ATXN2: variants seen among roughly 807,000 people sequenced by gnomAD.
The protein encoded by ATXN2 is ataxin-2.
Under a neutral mutation model 138.6 loss-of-function variants are expected in ATXN2, and 37 were observed. The ratio of observed to expected loss-of-function variants is 0.27; its 90% CI spans 0.21 to 0.35. ATXN2 has a LOEUF of 0.35. Ranked by LOEUF, ATXN2 falls within the 10% of genes least tolerant of loss-of-function variation. The pLI is 1.00. For missense variants in ATXN2, 1,216 were observed against 1,480.3 expected (o/e 0.82, Z 2.93); for synonymous variants, 549 against 543.7 (o/e 1.01, Z -0.13).
chr12:111,505,625 T>C (rs766287782), intron 14 of ATXN2, among the ~76,000 whole-genome samples: 15 of 152,142 alleles, frequency 9.9e-5, no homozygotes, highest in Non-Finnish European at 1.9e-4. Context: ...GAACTGCACA[T>C]TAAAGCCACA....
At chr12:111,581,978 C>A (rs554626205) in intron 1 of ATXN2, among the ~76,000 whole-genome samples, 26 of 151,808 alleles carry the variant, frequency 1.7e-4, no homozygotes, top group African/African-American at 6.3e-4. Flanking sequence ...AGAGCCATTC[C>A]AACTCCAAAT....
rs779469224 is a variant in ATXN2, at chr12:111,552,249, C to T, written c.571+31G>A. The T allele has an allele frequency of 6.4e-7, 1 of 1,553,586 alleles. No homozygotes were observed. The highest frequency in any genetic ancestry group is 2.1e-5 in the Admixed American group (1 of 47,182). ...CTTTGCTTGAATAAATCTAATAAAC[C>T]ATGAGGCATATTTAGGAAATCAAAA... is the stretch of plus-strand genomic sequence containing the variant. On this transcript the variant is annotated intron_variant, in intron 5 of 24. Transcript: ENST00000673436. The surrounding 1 kb of genome is among the most constrained non-coding windows in gnomAD (Gnocchi z 4.1).
At chr12:111,527,979 A>C (rs1880593375) in intron 5 of ATXN2, among the ~76,000 whole-genome samples, 1 of 152,224 alleles carries the variant, frequency 6.6e-6, no homozygotes, top group East Asian at 1.9e-4. Flanking sequence ...TAAGATCCTG[A>C]AATCCCTTTA....
intron 14 of ATXN2, among the ~76,000 whole-genome samples, chr12:111,494,829 G>C (rs572531194): frequency 6.6e-6 from 1 of 152,152 alleles, no homozygotes; most frequent in African/African-American, 2.4e-5. Flanking sequence ...AACAAGGAAG[G>C]GAGGGAGGGA....
At chr12:111,592,166 A>C (rs1884700531) in intron 1 of ATXN2, among the ~76,000 whole-genome samples, 1 of 151,532 alleles carries the variant, frequency 6.6e-6, no homozygotes, top group South Asian at 2.1e-4. Context: ...GAGGCAAGCG[A>C]ATCACCTGAG....
At chr12:111,594,566 A>T (rs1166792031) in intron 1 of ATXN2, among the ~76,000 whole-genome samples, 6 of 152,144 alleles carry the variant, frequency 3.9e-5, no homozygotes, top group Admixed American at 3.3e-4. Context: ...AATCACTAAA[A>T]GAAAAATATT....
intron 1 of ATXN2, among the ~76,000 whole-genome samples, chr12:111,565,116 C>G (rs1026960592): frequency 2.0e-5 from 3 of 151,738 alleles, no homozygotes; most frequent in African/African-American, 7.3e-5. Flanking sequence ...TCCCCATATT[C>G]TCCTTTAAGT....
intron 1 of ATXN2, among the ~76,000 whole-genome samples, chr12:111,562,466 A>T (rs1269067289): frequency 6.6e-6 from 1 of 151,932 alleles, no homozygotes; most frequent in Non-Finnish European, 1.5e-5. Context: ...CACGCCTGTA[A>T]TCCTAGCACT....
chr12:111,555,514 G>A (rs1203205206), intron 2 of ATXN2, among the ~76,000 whole-genome samples: 1 of 152,094 alleles, frequency 6.6e-6, no homozygotes, highest in African/African-American at 2.4e-5. Flanking sequence ...GCTTTGCTCA[G>A]CACTTCTCTC....
At chr12:111,457,513 G>A (rs1875202237) in intron 21 of ATXN2, 154 bp from the exon 22 acceptor site, 7 of 829,194 alleles carry the variant, frequency 8.4e-6, no homozygotes, top group Non-Finnish European at 5.4e-6. Flanking sequence ...ACCATCCATT[G>A]TCTTGAAAAA....
chr12:111,456,140 C>A lies in ATXN2; in HGVS notation c.3159G>T (p.Thr1053=). 1 of 1,614,194 alleles carries A rather than the reference C, an allele frequency of 6.2e-7. No homozygotes were observed. The highest frequency in any genetic ancestry group is 8.5e-7 in the Non-Finnish European group (1 of 1,180,042). The change falls in exon 23 of 25, where the codon ACG becomes ACT. Residue 1053 remains threonine (T), a synonymous_variant. Transcript: ENST00000673436. ...TPPSMTPASN[T]QSPQNSFPAA... is the part of the protein sequence containing the mutation. ...CTGGGAAACTATTCTGTGGCGACTG[C>A]GTGTTGGAGGCAGGTGTCATGGAGG...
chr12:111,499,657 A>C (rs1878628065), intron 14 of ATXN2, among the ~76,000 whole-genome samples: 1 of 151,968 alleles, frequency 6.6e-6, no homozygotes, highest in Non-Finnish European at 1.5e-5. Flanking sequence ...CTGGGCAACA[A>C]AGTGAGACTC....
Position 111,470,252 on chromosome 12 carries a change from C to T in ATXN2, c.2710-12G>A, listed in dbSNP as rs748465586. On this transcript the variant is annotated splice_polypyrimidine_tract_variant and intron_variant, in intron 19 of 24. Coordinates refer to ENST00000673436, the MANE Select transcript of ATXN2 (RefSeq NM_001372574.1). The stretch of plus-strand genomic sequence containing the variant: ...TAGACATGAGGATGCTGTGTTCAAA[C>T]AAAAAATAAAGAAAGCACATTAACA... 15 of 1,607,928 alleles carry T rather than the reference C, an allele frequency of 9.3e-6. No individual in the cohort carries two copies. In the African/African-American group the frequency reaches 1.3e-4, roughly 14 times the overall value.
At position 111,510,004 on chromosome 12, in the gene ATXN2, A is replaced by G. The variant is rs1226474373; in HGVS notation, c.1757-6T>C. ...TTGAAGCCTGGAATCTTTAGCTAGAAAACAATTTTTTAAAAAAAATTCAGA... is the reference window on the plus strand; with the variant it reads ...TTGAAGCCTGGAATCTTTAGCTAGAGAACAATTTTTTAAAAAAAATTCAGA... On this transcript the variant is annotated splice_polypyrimidine_tract_variant and splice_region_variant and intron_variant, in intron 12 of 24. Coordinates refer to ENST00000673436, the MANE Select transcript of ATXN2 (RefSeq NM_001372574.1). The G allele has an allele frequency of 1.9e-6, 3 of 1,579,662 alleles. No individual in the cohort carries two copies. Among genetic ancestry groups the G allele is most frequent in the Non-Finnish European group, 2.6e-6 (3 of 1,163,366 alleles).
At chr12:111,594,410 C>T (rs911531872) in intron 1 of ATXN2, among the ~76,000 whole-genome samples, 1 of 151,876 alleles carries the variant, frequency 6.6e-6, no homozygotes, top group Non-Finnish European at 1.5e-5. Context: ...ACAATCTCAG[C>T]TGACTGCAAC....
intron 18 of ATXN2, among the ~76,000 whole-genome samples, chr12:111,479,332 C>A (rs1482463094): frequency 2.2e-5 from 3 of 133,490 alleles, no homozygotes; most frequent in African/African-American, 8.5e-5. Context: ...GCAGGTGGAT[C>A]ATTTGGGGTC....
chr12:111,576,531 T>C (rs1224133677), intron 1 of ATXN2, among the ~76,000 whole-genome samples: 1 of 152,088 alleles, frequency 6.6e-6, no homozygotes, highest in African/African-American at 2.4e-5. Flanking sequence ...TCACCCAGGC[T>C]GAAGTACAGT....
chr12:111,465,631 G>A (rs772355035), intron 20 of ATXN2, among the ~76,000 whole-genome samples: 22 of 151,736 alleles, frequency 1.4e-4, no homozygotes, highest in South Asian at 4.2e-4. Context: ...TTGGCCGGTC[G>A]TGGTGGCGCA....
Position 111,453,734 on chromosome 12 carries a change from G to A in ATXN2, c.3382C>T (p.Leu1128=). Residue 1128 remains leucine (L), a synonymous_variant, in exon 24 of 25, where the codon CTA becomes TTA. Coordinates refer to ENST00000673436, the MANE Select transcript of ATXN2 (RefSeq NM_001372574.1). This position sits in a 1 kb window ranked among gnomAD's most constrained non-coding sequence, Gnocchi z 5.4. ...GPQAALAQSA[L]QPIPVSTTAH... Reference sequence around the variant, plus strand: ...GTTGTCGAGACTGGAATGGGCTGTAGTGCACTTTGAGCGAGGGCGGCCTGG... The same window carrying A: ...GTTGTCGAGACTGGAATGGGCTGTAATGCACTTTGAGCGAGGGCGGCCTGG... 6.2e-7 allele frequency: 1 copy of A among 1,613,990 alleles called. No homozygotes were observed. Among genetic ancestry groups the A allele is most frequent in the Non-Finnish European group, 8.5e-7 (1 of 1,179,924 alleles).
Sources: gnomAD v4.1 joint callset for allele counts (sites outside exome capture counted in the v4.1 genomes callset) on GRCh38, gnomAD v4.1.1 for gene constraint, Gnocchi (gnomAD v3.1) non-coding constraint, MANE v1.5 for transcripts, NCBI Gene and HGNC (gene_info 2026-07-23, HGNC 2026-07-21) for gene names.